Variants in PKD1 observed in about 807,000 individuals in gnomAD.
PKD1 encodes polycystin 1, transient receptor potential channel interacting.
PKD1 carries 81 observed loss-of-function variants against 361.7 expected under a neutral mutation model. That is an observed-to-expected ratio of 0.22 (90% CI 0.19 to 0.27). PKD1 has a LOEUF of 0.27. Ranked by LOEUF, PKD1 falls within the 10% of genes least tolerant of loss-of-function variation. The pLI is 1.00. For missense variants in PKD1, 6,399 were observed against 6,118.3 expected (o/e 1.05, Z -1.53); for synonymous variants, 3,615 against 2,818.3 (o/e 1.28, Z -8.95).
chr16:2,095,774 C>T (rs568683204), intron 34 of PKD1, among the ~76,000 whole-genome samples: 118 of 152,318 alleles, frequency 7.7e-4, no homozygotes, highest in African/African-American at 2.6e-3. Context: ...GAGGGCCACG[C>T]GCTCTGTGTG....
At chr16:2,099,377 C>CT (rs1221511928) in intron 30 of PKD1, 5 of 512,608 alleles carry the variant, frequency 9.8e-6, no homozygotes, top group African/African-American at 7.7e-5. Flanking sequence ...CTTGCTTCTT[C>CT]TGAGTTATCT....
chr16:2,122,204 G>A (rs1244909010), intron 1 of PKD1, among the ~76,000 whole-genome samples: 2 of 152,260 alleles, frequency 1.3e-5, no homozygotes, highest in Non-Finnish European at 2.9e-5. Context: ...CCTCACCTGG[G>A]CTGGGTGCCC....
Position 2,097,916 on chromosome 16 carries a change from C to G in PKD1, c.10119G>C (p.Ser3373=), listed in dbSNP as rs376838860. The G allele has an allele frequency of 6.2e-7, 1 of 1,605,014 alleles. No homozygotes were observed. Among genetic ancestry groups the G allele is most frequent in the African/African-American group, 1.3e-5 (1 of 74,846 alleles). Residue 3373 remains serine, a synonymous_variant, in exon 31 of 46, where the codon TCG becomes TCC. Coordinates refer to ENST00000262304, the MANE Select transcript of PKD1 (RefSeq NM_001009944.3). ...TGAGGAAGGAGCTGTCCAGCACGGACGAGTCCAGGCAGCTGTCGATGTCCA... is the reference window on the plus strand; with the variant it reads ...TGAGGAAGGAGCTGTCCAGCACGGAGGAGTCCAGGCAGCTGTCGATGTCCA... ...QVLDIDSCLD[S]SVLDSSFLTF...
chr16:2,132,038 G>C (rs1596627542), intron 1 of PKD1: 1 of 151,922 alleles, frequency 6.6e-6, no homozygotes, highest in African/African-American at 2.4e-5. Context: ...ATCACCTGAG[G>C]TCAGGAGTTT....
In PKD1 at chr16:2,088,764, G is replaced by T. The variant is rs1038735192; in HGVS notation, c.*963C>A. On this transcript the variant is annotated 3_prime_UTR_variant, in exon 46 of 46. Transcript: ENST00000262304. ...TCTGCTTGGTGCGGGGGTTGGGGGG[G>T]TGTCGAGGCTCTAGAAGCGGCCATG... The T allele has an allele frequency of 2.8e-6, 3 of 1,090,108 alleles. No homozygotes were observed. Among genetic ancestry groups the T allele is most frequent in the Non-Finnish European group, 3.9e-6 (3 of 774,194 alleles). The allele number at this position is 1,090,108 out of a possible 1,614,324, so 67.5% of individuals were successfully genotyped here.
At position 2,091,474 on chromosome 16, in the gene PKD1, G is replaced by T. The variant is rs1456144463; in HGVS notation, c.11661C>A (p.Pro3887=). ...CCGCGCTGAGGCGGCGCAGCGCAAA[G>T]GGGCGGACGCTGAGGGCGGCCAGGG... ...GRALAALSVR[P]FALRRLSAGL... Residue 3887 remains proline, a synonymous_variant, in exon 42 of 46, where the codon CCC becomes CCA. Coordinates refer to ENST00000262304, the MANE Select transcript of PKD1 (RefSeq NM_001009944.3). The T allele has an allele frequency of 7.4e-7, 1 of 1,344,984 alleles. No homozygotes were observed. Among genetic ancestry groups the T allele is most frequent in the Non-Finnish European group, 9.5e-7 (1 of 1,053,432 alleles). The allele number at this position is 1,344,984 out of a possible 1,614,324, so 83.3% of individuals were successfully genotyped here.
chr16:2,114,299 C>T lies in PKD1; in HGVS notation c.2724G>A (p.Val908=), dbSNP rs776462934. 11 of 1,610,442 alleles carry T rather than the reference C, an allele frequency of 6.8e-6. No individual in the cohort carries two copies. The African/African-American group carries it at 1.3e-4, about 20-fold the overall frequency. The change falls in exon 11 of 46, where the codon GTG becomes GTA. Residue 908 remains valine (V), a synonymous_variant. Transcript: ENST00000262304. ...ALPWLSEGEH[V]VDVVVENSAS... The stretch of plus-strand genomic sequence containing the variant: ...CGCTGTTTTCCACCACCACGTCCAC[C>T]ACGTGCTCCCCCTCACTGAGCCACG...
At position 2,097,758 on chromosome 16, in the gene PKD1, T is replaced by C; in HGVS notation, c.10190A>G (p.Lys3397Arg). The C allele has an allele frequency of 6.2e-7, 1 of 1,611,350 alleles. No individual in the cohort carries two copies. The highest frequency in any genetic ancestry group is 8.5e-7 in the Non-Finnish European group (1 of 1,179,856). Residue 3397 changes from lysine (K) to arginine (R), a missense_variant, in exon 32 of 46, where the codon AAG becomes AGG. Physicochemically the swap from Lys to Arg is conservative, Grantham distance 26. Coordinates refer to ENST00000262304, the MANE Select transcript of PKD1 (RefSeq NM_001009944.3). ...AGAATCATCCAGAAACAAGTCACTC[T>C]TCATCTGTCCAACAAAGGCCTGCTG... ...HAEQAFVGQM[K>R]SDLFLDDSKS... is the part of the protein sequence containing the mutation.
intron 34 of PKD1, among the ~76,000 whole-genome samples, chr16:2,096,332 C>T (rs1278975015): frequency 6.6e-6 from 1 of 152,262 alleles, no homozygotes; most frequent in East Asian, 1.9e-4. Flanking sequence ...ACGGCAGGGC[C>T]GTGTGGACCT....
At chr16:2,117,391 C>A (rs1228760068) in intron 6 of PKD1, 98 bp downstream of exon 6, 1 of 954,924 alleles carries the variant, frequency 1.0e-6, no homozygotes, top group South Asian at 1.7e-5. Context: ...CGGCCCAGCT[C>A]CCACCTCCTT....
Position 2,101,910 on chromosome 16 carries a change from G to C in PKD1, c.9397+151C>G, listed in dbSNP as rs557163912. 3.3e-4 allele frequency: 216 copies of C among 662,992 alleles called. 1 individual carries two copies. Among genetic ancestry groups the C allele is most frequent in the Middle Eastern group, 2.0e-3 (5 of 2,534 alleles). The allele number at this position is 662,992 out of a possible 1,614,324, so 41.1% of individuals were successfully genotyped here. A position where few individuals can be genotyped will look rare whatever the true frequency, so the allele number is the denominator to read the frequency against. ...CCTCAGGGACAGTGAGTGCTCACGA[G>C]GTCATTCCCAGGATGAACACACGAG... On this transcript the variant is annotated intron_variant, in intron 26 of 45. Coordinates refer to ENST00000262304, the MANE Select transcript of PKD1 (RefSeq NM_001009944.3).
Position 2,109,023 on chromosome 16 carries a change from A to G in PKD1, c.6144T>C (p.Ser2048=). ...CCTCCAGCACCAGCGTGCGGTTCTCACTGCCCAGGGCGTTGAAGGCGCGCA... is the reference window on the plus strand; with the variant it reads ...CCTCCAGCACCAGCGTGCGGTTCTCGCTGCCCAGGGCGTTGAAGGCGCGCA... ...IQVRAFNALG[S]ENRTLVLEVQ... is the part of the protein sequence containing the mutation. The change falls in exon 15 of 46, where the codon AGT becomes AGC. Residue 2048 remains serine, a synonymous_variant. Transcript: ENST00000262304. The G allele has an allele frequency of 6.2e-7, 1 of 1,609,292 alleles. No homozygotes were observed. Among genetic ancestry groups the G allele is most frequent in the Non-Finnish European group, 8.5e-7 (1 of 1,177,990 alleles).
rs761476566 is a variant in PKD1, at chr16:2,106,052, G to A, written c.7704-28C>T. The stretch of plus-strand genomic sequence containing the variant: ...ACGAGCAGAGGGGGGTGGTGAGCAG[G>A]TGGCAGTCTCGGGGGCGCCCTCCCA... On this transcript the variant is annotated intron_variant, in intron 19 of 45. Transcript: ENST00000262304. This position sits in a 1 kb window ranked among gnomAD's most constrained non-coding sequence, Gnocchi z 6.5. 2.5e-6 allele frequency: 4 copies of A among 1,607,224 alleles called. No homozygotes were observed. The highest frequency in any genetic ancestry group is 4.5e-5 in the East Asian group (2 of 44,856).
At chr16:2,127,059 C>A (rs982358128) in intron 1 of PKD1, among the ~76,000 whole-genome samples, 5 of 152,076 alleles carry the variant, frequency 3.3e-5, no homozygotes, top group African/African-American at 1.2e-4. Flanking sequence ...GAAGAGCCAA[C>A]AGAAAGCCGG....
rs1272028533 is a variant in PKD1 at position 2,112,357 on chromosome 16, T to C, written c.3278A>G (p.His1093Arg). 2 of 1,587,696 alleles carry C rather than the reference T, an allele frequency of 1.3e-6. No homozygotes were observed. Among genetic ancestry groups the C allele is most frequent in the African/African-American group, 2.7e-5 (2 of 73,336 alleles). The change falls in exon 14 of 46, where the codon CAC becomes CGC. Residue 1093 changes from histidine (H) to arginine (R), a missense_variant. Physicochemically the swap from His to Arg is conservative, Grantham distance 29. Transcript: ENST00000262304. ...TCCCTCACCTGGGGCAGCGTAGGTG[T>C]GCATGACATTGTGCTCCACCAGCAC... ...AQVLVEHNVM[H>R]TYAAPGEYLL... is the part of the protein sequence containing the mutation.
Position 2,118,961 on chromosome 16 carries a change from C to A in PKD1, c.360-116G>T. 2.5e-6 allele frequency: 2 copies of A among 791,986 alleles called. No individual in the cohort carries two copies. The highest frequency in any genetic ancestry group is 2.7e-5 in the East Asian group (1 of 37,550). The allele number at this position is 791,986 out of a possible 1,614,324, so 49.1% of individuals were successfully genotyped here. A position where few individuals can be genotyped will look rare whatever the true frequency, so the allele number is the denominator to read the frequency against. ...GACAGCACCGCCTCCCCTGCCCCAA[C>A]CAAGCCGGCACTGGGGGGCTCCAAG... On this transcript the variant is annotated intron_variant, in intron 3 of 45. Coordinates refer to ENST00000262304, the MANE Select transcript of PKD1 (RefSeq NM_001009944.3). The surrounding 1 kb of genome is among the most constrained non-coding windows in gnomAD (Gnocchi z 6.0).
rs756988571 is a variant in PKD1, at chr16:2,092,124, G to A, written c.11334C>T (p.Thr3778=). ...TCTCCCAGCCAACGTCGTAATCGCT[G>A]GTGCTGAAGCCTCCTGCGGCCGAGC... ...HTCSAAGGFS[T]SDYDVGWESP... The change falls in exon 40 of 46, where the codon ACC becomes ACT. Residue 3778 remains threonine, a synonymous_variant. Transcript: ENST00000262304. 5.0e-6 allele frequency: 8 copies of A among 1,612,720 alleles called. No homozygotes were observed. Among genetic ancestry groups the A allele is most frequent in the South Asian group, 4.4e-5 (4 of 91,082 alleles).
rs1364686083 is a variant in PKD1 at position 2,099,679 on chromosome 16, C to T, written c.10015G>A (p.Ala3339Thr). 8 of 1,594,408 alleles carry T rather than the reference C, an allele frequency of 5.0e-6. No individual in the cohort carries two copies. Among genetic ancestry groups the T allele is most frequent in the Non-Finnish European group, 6.8e-6 (8 of 1,177,776 alleles). The change falls in exon 30 of 46, where the codon GCC becomes ACC. Residue 3339 changes from alanine (A) to threonine (T), a missense_variant. Ala to Thr is a moderately conservative substitution (Grantham distance 58, BLOSUM62 0). Coordinates refer to ENST00000262304, the MANE Select transcript of PKD1 (RefSeq NM_001009944.3). ...SSVVVYPVYL[A>T]ILFLFRMSRS... Reference sequence around the variant, plus strand: ...GACATCCGGAAGAGAAAAAGGATGGCCAGGTAGACGGGATAGACAACCACG... The same window carrying T: ...GACATCCGGAAGAGAAAAAGGATGGTCAGGTAGACGGGATAGACAACCACG...
Position 2,117,470 on chromosome 16 carries a change from G to A in PKD1, c.1385+19C>T, listed in dbSNP as rs1003698808. 2.0e-5 allele frequency: 29 copies of A among 1,426,214 alleles called. No individual in the cohort carries two copies. The African/African-American group carries it at 2.4e-4, about 12-fold the overall frequency. The allele number at this position is 1,426,214 out of a possible 1,614,324, so 88.3% of individuals were successfully genotyped here. A position where few individuals can be genotyped will look rare whatever the true frequency, so the allele number is the denominator to read the frequency against. On this transcript the variant is annotated intron_variant, in intron 6 of 45. Coordinates refer to ENST00000262304, the MANE Select transcript of PKD1 (RefSeq NM_001009944.3). ...GAGATCTCCCAACCTATGGCCCCTC[G>A]GGGGGTGGGGGCAGGCACCTGGTGA...
Sources: allele counts gnomAD v4.1 joint callset (sites outside exome capture counted in the v4.1 genomes callset), GRCh38; gene constraint gnomAD v4.1.1; non-coding constraint Gnocchi (gnomAD v3.1); transcripts MANE v1.5; gene names NCBI Gene and HGNC (gene_info 2026-07-23, HGNC 2026-07-21).